CHPT1: variants seen among roughly 807,000 people sequenced by gnomAD.
CHPT1 encodes the protein cholinephosphotransferase 1.
Under a neutral mutation model 47.6 loss-of-function variants are expected in CHPT1, and 36 were observed. The ratio of observed to expected loss-of-function variants is 0.76; its 90% CI spans 0.58 to 1.00. CHPT1 has a LOEUF of 1.00. Among genes scored for constraint, CHPT1 ranks in the 50% least tolerant of loss-of-function variants. The pLI is 0.00. For missense variants in CHPT1, 458 were observed against 498.1 expected (o/e 0.92, Z 0.77); for synonymous variants, 194 against 186.3 (o/e 1.04, Z -0.33).
At chr12:101,700,662 A>G (rs1015143921) in intron 1 of CHPT1, among the ~76,000 whole-genome samples, 2 of 152,246 alleles carry the variant, frequency 1.3e-5, no homozygotes, top group Non-Finnish European at 2.9e-5. Context: ...CCTATGTTTT[A>G]CATAATACAA....
chr12:101,719,963 A>AAAT, intron 4 of CHPT1, 160 bp from the exon 5 acceptor site: 1 of 432,782 alleles, frequency 2.3e-6, no homozygotes, highest in Non-Finnish European at 3.9e-6. Context: ...GTTAAAAAAA[A>AAAT]GTTTTTAAGT....
At chr12:101,721,375 TC>T (rs1370563705) in intron 5 of CHPT1, among the ~76,000 whole-genome samples, 1 of 152,196 alleles carries the variant, frequency 6.6e-6, no homozygotes, top group Admixed American at 6.5e-5. Context: ...AAAATTTCTA[TC>T]CTTTAAAGTC....
intron 1 of CHPT1, among the ~76,000 whole-genome samples, chr12:101,703,463 T>C (rs1782332425): frequency 6.6e-6 from 1 of 152,250 alleles, no homozygotes; most frequent in Non-Finnish European, 1.5e-5. Flanking sequence ...TTATGTGCGA[T>C]GTCTGTCTGG....
intron 1 of CHPT1, among the ~76,000 whole-genome samples, chr12:101,713,326 C>T (rs1038617063): frequency 1.1e-4 from 17 of 152,134 alleles, no homozygotes; most frequent in African/African-American, 3.4e-4. Context: ...AGTTCTCAGC[C>T]GAAGACGGAA....
rs577235455 is a variant in CHPT1, at chr12:101,713,290, A to G, written c.274-800A>G. On this transcript the variant is annotated intron_variant, in intron 1 of 8. Coordinates refer to ENST00000229266, the MANE Select transcript of CHPT1 (RefSeq NM_020244.3). Reference sequence around the variant, plus strand: ...AGTGCTTCTCTCCCTGGCCTTTGTTAGTTTCATCTCATTCAGGCACAGATG... The same window carrying G: ...AGTGCTTCTCTCCCTGGCCTTTGTTGGTTTCATCTCATTCAGGCACAGATG... Among the ~76,000 whole-genome samples, 4 of 123,720 alleles carry G rather than the reference A, an allele frequency of 3.2e-5. 1 individual carries two copies. The South Asian group carries it at 9.8e-4, about 30-fold the overall frequency. 81.2% of individuals were successfully genotyped at this position (123,720 alleles called of 152,430 possible).
At position 101,718,775 on chromosome 12, in the gene CHPT1, A is replaced by T. The variant is rs567385761; in HGVS notation, c.649-1348A>T. 3.7e-4 allele frequency among the ~76,000 whole-genome samples: 56 copies of T among 152,138 alleles called. 1 individual carries two copies. The South Asian group carries it at 0.011, about 30-fold the overall frequency. On this transcript the variant is annotated intron_variant, in intron 4 of 8. Transcript: ENST00000229266. The stretch of plus-strand genomic sequence containing the variant: ...TTGGGCATGTTTTTAAGTAGTAGTG[A>T]TAGATTCTTCAATACATTCATATTC...
At chr12:101,717,698 T>C (rs772651553) in intron 4 of CHPT1, among the ~76,000 whole-genome samples, 4 of 152,196 alleles carry the variant, frequency 2.6e-5, no homozygotes, top group Non-Finnish European at 4.4e-5. Flanking sequence ...CTAAGCTATA[T>C]ATCTAGTAAA....
intron 5 of CHPT1, among the ~76,000 whole-genome samples, chr12:101,722,258 A>G (rs527437254): frequency 1.4e-3 from 213 of 152,148 alleles, no homozygotes; most frequent in African/African-American, 3.7e-3. Context: ...ATTACTATAC[A>G]GTGTCATGTA....
At chr12:101,722,058 C>CA (rs529429491) in intron 5 of CHPT1, among the ~76,000 whole-genome samples, 15,000 of 135,570 alleles carry the variant, frequency 0.11, 858 homozygotes, top group Middle Eastern at 0.19. Context: ...GATTCCATCT[C>CA]AAAAAAAAAA....
At chr12:101,699,757 G>A (rs1319893268) in intron 1 of CHPT1, among the ~76,000 whole-genome samples, 2 of 152,102 alleles carry the variant, frequency 1.3e-5, no homozygotes, top group African/African-American at 2.4e-5. Context: ...TATTACATAT[G>A]AAAAAGTAAG....
rs1951491878 is a variant in CHPT1, at chr12:101,698,133, A to C, written c.272A>C (p.Glu91Ala). ...TCCTACTGTCCCACGGCCACCGAAGAGGTAGGGCTGGCCGATCGCCCGAGC... is the reference window on the plus strand; with the variant it reads ...TCCTACTGTCCCACGGCCACCGAAGCGGTAGGGCTGGCCGATCGCCCGAGC... ...LISYCPTATE[E>A]APYWTYLLCA... Residue 91 changes from glutamate (E) to alanine (A), a missense_variant and splice_region_variant, in exon 1 of 9, where the codon GAG becomes GCG. By Grantham distance (107) the Glu-to-Ala change is moderately radical. Coordinates refer to ENST00000229266, the MANE Select transcript of CHPT1 (RefSeq NM_020244.3). 6.6e-7 allele frequency: 1 copy of C among 1,513,080 alleles called. No homozygotes were observed. Among genetic ancestry groups the C allele is most frequent in the Non-Finnish European group, 8.8e-7 (1 of 1,136,304 alleles). The allele number at this position is 1,513,080 out of a possible 1,614,324, so 93.7% of individuals were successfully genotyped here. A position where few individuals can be genotyped will look rare whatever the true frequency, so the allele number is the denominator to read the frequency against.
chr12:101,698,325 G>A (rs1191676692), intron 1 of CHPT1, among the ~76,000 whole-genome samples, 191 bp downstream of exon 1: 1 of 152,184 alleles, frequency 6.6e-6, no homozygotes, highest in East Asian at 1.9e-4. Context: ...CCAATCCCGT[G>A]ACCATCCCAA....
At chr12:101,727,257 G>GACTC (rs1951975227) in intron 8 of CHPT1, 1 of 152,072 alleles carries the variant, frequency 6.6e-6, no homozygotes, top group Admixed American at 6.5e-5. Flanking sequence ...AGTACACACT[G>GACTC]ACTCATTTGA....
At chr12:101,714,321 A>G (rs901197944) in intron 2 of CHPT1, 84 bp downstream of exon 2, 4 of 1,311,142 alleles carry the variant, frequency 3.1e-6, no homozygotes, top group African/African-American at 3.0e-5. Flanking sequence ...TTGGATGGAT[A>G]TACATTTGGG....
At chr12:101,703,623 G>A (rs191890685) in intron 1 of CHPT1, among the ~76,000 whole-genome samples, 9 of 152,268 alleles carry the variant, frequency 5.9e-5, no homozygotes, top group East Asian at 3.9e-4. Context: ...GCAGAGAGTG[G>A]TTTTACCTTT....
intron 7 of CHPT1, among the ~76,000 whole-genome samples, chr12:101,724,150 C>G (rs191278332): frequency 6.7e-6 from 1 of 148,390 alleles, no homozygotes; most frequent in Non-Finnish European, 1.5e-5. Flanking sequence ...ACCTGGGAGG[C>G]AGAGGTTGCG....
chr12:101,725,625 A>G (rs1382327597), intron 7 of CHPT1, among the ~76,000 whole-genome samples: 1 of 100,834 alleles, frequency 9.9e-6, no homozygotes, highest in African/African-American at 3.8e-5. Flanking sequence ...GTGGATGACA[A>G]AAAAAAAAAA....
chr12:101,698,505 C>T (rs1951499870), intron 1 of CHPT1, among the ~76,000 whole-genome samples: 1 of 152,254 alleles, frequency 6.6e-6, no homozygotes, highest in Non-Finnish European at 1.5e-5. Context: ...ACACTGGGGA[C>T]TGAACACCCC....
In CHPT1 at chr12:101,698,103, T is replaced by C; in HGVS notation, c.242T>C (p.Leu81Pro). 1 of 1,551,534 alleles carries C rather than the reference T, an allele frequency of 6.4e-7. No individual in the cohort carries two copies. The change falls in exon 1 of 9, where the codon CTC becomes CCC. Residue 81 changes from leucine (L) to proline (P), a missense_variant. Coordinates refer to ENST00000229266, the MANE Select transcript of CHPT1 (RefSeq NM_020244.3). ...LAVNVVTTLV[L>P]ISYCPTATEE... Reference sequence around the variant, plus strand: ...GTCAACGTGGTCACCACGCTCGTGCTCATCTCCTACTGTCCCACGGCCACC... The same window carrying C: ...GTCAACGTGGTCACCACGCTCGTGCCCATCTCCTACTGTCCCACGGCCACC...
Sources: allele counts gnomAD v4.1 joint callset (sites outside exome capture counted in the v4.1 genomes callset), GRCh38; gene constraint gnomAD v4.1.1; transcripts MANE v1.5; gene names NCBI Gene and HGNC (gene_info 2026-07-23, HGNC 2026-07-21).